Variants in SPATA17 observed in about 807,000 individuals in gnomAD.
The protein encoded by SPATA17 is spermatogenesis-associated protein 17.
SPATA17 carries 53 observed loss-of-function variants against 62.2 expected under a neutral mutation model. The observed-to-expected ratio is 0.85, with a 90% CI of 0.68 to 1.07. The LOEUF (loss-of-function observed/expected upper bound fraction) is 1.07, where lower values mean the gene tolerates loss of function less well. SPATA17 is among the 50% of genes least tolerant of loss of function. The pLI is 0.00. For synonymous variants in SPATA17, 146 were observed against 146.8 expected, an observed-to-expected ratio of 0.99 and a Z score of 0.04; for missense variants, 466 against 425.5, an observed-to-expected ratio of 1.10 and a Z score of -0.84.
chr1:217,688,561 C>T (rs572831653), intron 5 of SPATA17, among the ~76,000 whole-genome samples: 1 of 152,346 alleles, frequency 6.6e-6, no homozygotes, highest in South Asian at 2.1e-4. Flanking sequence ...ACAGCCCCAT[C>T]TTCAAATGCT....
intron 9 of SPATA17, among the ~76,000 whole-genome samples, chr1:217,837,010 T>C (rs1675275629): frequency 6.6e-6 from 1 of 152,096 alleles, no homozygotes; most frequent in South Asian, 2.1e-4. Context: ...AGTAGAGATG[T>C]AGAATTGTGG....
At chr1:217,769,530 T>C (rs1340349936) in intron 6 of SPATA17, among the ~76,000 whole-genome samples, 2 of 152,242 alleles carry the variant, frequency 1.3e-5, no homozygotes, top group Admixed American at 1.3e-4. Context: ...TCTTTAGGGC[T>C]GGAGTTCTTG....
At chr1:217,763,770 T>G (rs1463589966) in intron 6 of SPATA17, among the ~76,000 whole-genome samples, 1 of 152,162 alleles carries the variant, frequency 6.6e-6, no homozygotes, top group Non-Finnish European at 1.5e-5. Context: ...AAGATGTATT[T>G]TGGAGCTAGA....
chr1:217,656,995 A>G (rs1245114548), intron 3 of SPATA17, among the ~76,000 whole-genome samples: 1 of 152,060 alleles, frequency 6.6e-6, no homozygotes, highest in Admixed American at 6.6e-5. Flanking sequence ...TTCCTGTGGG[A>G]CTTAACTAGT....
Position 217,753,463 on chromosome 1 carries a change from CT to C in SPATA17, c.519+11372del, listed in dbSNP as rs1292556933. On this transcript the variant is annotated intron_variant, in intron 6 of 10. Transcript: ENST00000366933. ...CACCGAATTTTCTTTAGTTCTTTCT[CT>C]TTTTTTAAATTGAAAACAAAATTTG... Among the ~76,000 whole-genome samples, 11 of 152,038 alleles carry C rather than the reference CT, an allele frequency of 7.2e-5. No individual in the cohort carries two copies. The South Asian group carries it at 2.3e-3, about 32-fold the overall frequency.
chr1:217,711,647 C>T (rs1044207584), intron 5 of SPATA17, among the ~76,000 whole-genome samples: 3 of 152,114 alleles, frequency 2.0e-5, no homozygotes, highest in African/African-American at 7.2e-5. Flanking sequence ...AATTGACGCT[C>T]AACAAATAGT....
intron 5 of SPATA17, among the ~76,000 whole-genome samples, chr1:217,728,523 T>C (rs920028905): frequency 1.1e-4 from 16 of 152,146 alleles, no homozygotes; most frequent in Admixed American, 8.5e-4. Flanking sequence ...TTAAGATTAA[T>C]TTTTTTATGT....
At chr1:217,828,426 T>G (rs1675051837) in intron 9 of SPATA17, among the ~76,000 whole-genome samples, 1 of 143,474 alleles carries the variant, frequency 7.0e-6, no homozygotes, top group Non-Finnish European at 1.6e-5. Context: ...AAAACCAACT[T>G]AAAATGGATC....
chr1:217,708,088 C>T (rs1671777203), intron 5 of SPATA17, among the ~76,000 whole-genome samples: 1 of 152,020 alleles, frequency 6.6e-6, no homozygotes, highest in African/African-American at 2.4e-5. Flanking sequence ...TGCTAAATGC[C>T]CACATCAAAA....
intron 9 of SPATA17, among the ~76,000 whole-genome samples, chr1:217,854,678 T>C (rs1433497779): frequency 6.6e-6 from 1 of 152,088 alleles, no homozygotes; most frequent in Non-Finnish European, 1.5e-5. Context: ...CGGAGAGACC[T>C]GGCACAGCAT....
intron 3 of SPATA17, among the ~76,000 whole-genome samples, chr1:217,668,212 G>A (rs532669317): frequency 3.3e-5 from 5 of 152,046 alleles, no homozygotes; most frequent in Non-Finnish European, 5.9e-5. Context: ...TGCTTTTATT[G>A]TTTATTGTAC....
intron 5 of SPATA17, among the ~76,000 whole-genome samples, chr1:217,686,753 C>G (rs563008994): frequency 6.6e-5 from 10 of 152,168 alleles, no homozygotes; most frequent in South Asian, 2.1e-4. Context: ...GGAGTCACGC[C>G]CTGTTGCCCA....
intron 7 of SPATA17, among the ~76,000 whole-genome samples, chr1:217,776,399 T>C (rs1558046214): frequency 6.6e-6 from 1 of 152,190 alleles, no homozygotes; most frequent in Non-Finnish European, 1.5e-5. Context: ...CTTGTGTATC[T>C]ATATTGCTGT....
chr1:217,805,584 A>G (rs1674413178), intron 9 of SPATA17, among the ~76,000 whole-genome samples: 2 of 152,238 alleles, frequency 1.3e-5, no homozygotes, highest in South Asian at 4.1e-4. Flanking sequence ...TATGTTAATT[A>G]GCATGATTGT....
At chr1:217,662,501 T>C (rs559215546) in intron 3 of SPATA17, among the ~76,000 whole-genome samples, 1 of 152,168 alleles carries the variant, frequency 6.6e-6, no homozygotes, top group East Asian at 1.9e-4. Context: ...AATAACATTA[T>C]ATACTGATGA....
At chr1:217,767,374 G>A (rs1476742703) in intron 6 of SPATA17, among the ~76,000 whole-genome samples, 1 of 151,746 alleles carries the variant, frequency 6.6e-6, no homozygotes, top group Admixed American at 6.6e-5. Flanking sequence ...CTTGATTTTT[G>A]TTGAGCTTTC....
At chr1:217,799,318 G>A (rs540393898) in intron 8 of SPATA17, among the ~76,000 whole-genome samples, 1 of 152,204 alleles carries the variant, frequency 6.6e-6, no homozygotes, top group East Asian at 1.9e-4. Context: ...ATTCCCTTGA[G>A]AAGGCAAATT....
chr1:217,632,076 C>T (rs949446484), intron 1 of SPATA17, among the ~76,000 whole-genome samples: 3 of 151,816 alleles, frequency 2.0e-5, no homozygotes, highest in East Asian at 1.9e-4. Flanking sequence ...CCAGCTAGTC[C>T]GGAGGCTGAG....
intron 10 of SPATA17, 95 bp downstream of exon 10, chr1:217,862,951 C>T: frequency 2.9e-6 from 2 of 695,306 alleles, no homozygotes; most frequent in Non-Finnish European, 4.7e-6. Context: ...ATTTTAAAAA[C>T]CATGCTATAA....
Sources: gnomAD v4.1 joint callset for allele counts (sites outside exome capture counted in the v4.1 genomes callset) on GRCh38, gnomAD v4.1.1 for gene constraint, MANE v1.5 for transcripts, NCBI Gene and HGNC (gene_info 2026-07-23, HGNC 2026-07-21) for gene names.